The following NTRK2 variants were observed in gnomAD, a reference collection of about 807,000 sequenced individuals.
NTRK2 encodes the protein BDNF/NT-3 growth factors receptor.
In NTRK2, 13 loss-of-function variants were observed where a neutral mutation model predicts 94.5. The observed-to-expected ratio is 0.14, with a 90% CI of 0.09 to 0.22. The LOEUF is 0.22. NTRK2 is among the 10% of genes least tolerant of loss of function. The pLI is 1.00. For synonymous variants in NTRK2, 372 were observed against 407.4 expected (o/e 0.91, Z 1.05); for missense variants, 639 against 1,071.2 (o/e 0.60, Z 5.63).
chr9:84,878,929 T>C (rs906077643), intron 14 of NTRK2, among the ~76,000 whole-genome samples: 1 of 152,184 alleles, frequency 6.6e-6, no homozygotes, highest in Non-Finnish European at 1.5e-5. Context: ...CCTGGCCTAA[T>C]TGTCCTTCCT....
intron 12 of NTRK2, among the ~76,000 whole-genome samples, chr9:84,804,442 C>A (rs1480505242): frequency 1.3e-5 from 2 of 152,140 alleles, no homozygotes; most frequent in African/African-American, 4.8e-5. Context: ...TTCCCAGATC[C>A]ACTTTGGTCA....
Position 84,995,456 on chromosome 9 carries a change from A to G in NTRK2, c.2173-24750A>G, listed in dbSNP as rs936548703. On this transcript the variant is annotated intron_variant, in intron 17 of 18. Transcript: ENST00000277120. Reference sequence around the variant, plus strand: ...GCCCAATGAGACCCTACAAAATCCCAGTTGCCCAAATGAATAACACATATG... The same window carrying G: ...GCCCAATGAGACCCTACAAAATCCCGGTTGCCCAAATGAATAACACATATG... 1.3e-5 allele frequency among the ~76,000 whole-genome samples: 2 copies of G among 152,244 alleles called. 1 individual carries two copies. Among genetic ancestry groups the G allele is most frequent in the South Asian group, 4.1e-4 (2 of 4,824 alleles).
At chr9:84,701,753 A>G (rs2060737089) in intron 2 of NTRK2, among the ~76,000 whole-genome samples, 1 of 152,136 alleles carries the variant, frequency 6.6e-6, no homozygotes, top group Non-Finnish European at 1.5e-5. Context: ...ATGTGGGGAA[A>G]TATGTGACTT....
chr9:84,843,311 C>T (rs1302291024), intron 12 of NTRK2, among the ~76,000 whole-genome samples: 1 of 152,148 alleles, frequency 6.6e-6, no homozygotes, highest in Non-Finnish European at 1.5e-5. Context: ...ACCTGTGTTT[C>T]TGCTCTTCTC....
chr9:84,745,760 C>T (rs766570030), intron 11 of NTRK2, among the ~76,000 whole-genome samples: 87 of 152,058 alleles, frequency 5.7e-4, no homozygotes, highest in Non-Finnish European at 1.1e-3. Context: ...GGAGAAACAT[C>T]GTGAAGGTGC....
intron 14 of NTRK2, among the ~76,000 whole-genome samples, chr9:84,902,203 A>G (rs1480054263): frequency 6.6e-6 from 1 of 151,894 alleles, no homozygotes; most frequent in Non-Finnish European, 1.5e-5. Flanking sequence ...CTAAAAAAAA[A>G]AAAATTAAAA....
At chr9:84,811,962 G>A (rs995287732) in intron 12 of NTRK2, 3 of 1,013,352 alleles carry the variant, frequency 3.0e-6, no homozygotes, top group Non-Finnish European at 3.5e-6. Flanking sequence ...TCAGAGCCAG[G>A]CCTGCAGCAT....
chr9:84,901,972 G>A (rs946879204), intron 14 of NTRK2, among the ~76,000 whole-genome samples: 4 of 152,064 alleles, frequency 2.6e-5, no homozygotes, highest in Non-Finnish European at 4.4e-5. Context: ...TGGGGTGGGC[G>A]GATCACTTGA....
At chr9:84,815,260 GT>G in intron 12 of NTRK2, 1 of 1,054,576 alleles carries the variant, frequency 9.5e-7, no homozygotes, top group African/African-American at 1.7e-5. Context: ...CCCAGAATGT[GT>G]TGAACCAACC....
chr9:84,886,275 G>A (rs1006368159), intron 14 of NTRK2, among the ~76,000 whole-genome samples: 3 of 152,190 alleles, frequency 2.0e-5, no homozygotes, highest in Admixed American at 1.3e-4. Context: ...TCTTCATGAG[G>A]TTGATGTTGT....
intron 14 of NTRK2, among the ~76,000 whole-genome samples, chr9:84,917,416 C>A (rs186509007): frequency 1.3e-5 from 2 of 152,024 alleles, no homozygotes; most frequent in African/African-American, 2.4e-5. Context: ...AGCACTGGGC[C>A]GGGCAGCTTC....
At chr9:84,937,226 C>T (rs76452719) in intron 15 of NTRK2, among the ~76,000 whole-genome samples, 1 of 152,374 alleles carries the variant, frequency 6.6e-6, no homozygotes, top group African/African-American at 2.4e-5. Flanking sequence ...CTTCTCACCT[C>T]TATGGAGTGA....
chr9:84,898,777 A>G (rs891959503), intron 14 of NTRK2, among the ~76,000 whole-genome samples: 2 of 151,266 alleles, frequency 1.3e-5, no homozygotes, highest in African/African-American at 4.9e-5. Context: ...ATCTTGGCTC[A>G]CTGCAATCTC....
chr9:84,855,207 A>T (rs2075007610), intron 12 of NTRK2, among the ~76,000 whole-genome samples: 1 of 152,180 alleles, frequency 6.6e-6, no homozygotes, highest in African/African-American at 2.4e-5. Context: ...ATACTTGAAA[A>T]TGGTTACTCT....
At chr9:84,772,349 G>A (rs1029987291) in intron 12 of NTRK2, among the ~76,000 whole-genome samples, 1 of 152,018 alleles carries the variant, frequency 6.6e-6, no homozygotes, top group African/African-American at 2.4e-5. Context: ...CCGCCTCCTG[G>A]GTTCAAGCAA....
chr9:84,796,638 C>T (rs1465662358), intron 12 of NTRK2, among the ~76,000 whole-genome samples: 1 of 152,130 alleles, frequency 6.6e-6, no homozygotes, highest in Non-Finnish European at 1.5e-5. Flanking sequence ...ATTTATTTAG[C>T]TTTTCTGAAA....
Position 84,752,018 on chromosome 9 carries a change from G to C in NTRK2, c.1329G>C (p.Val443=). The C allele has an allele frequency of 6.2e-7, 1 of 1,614,038 alleles. No homozygotes were observed. Among genetic ancestry groups the C allele is most frequent in the Non-Finnish European group, 8.5e-7 (1 of 1,179,978 alleles). Residue 443 remains valine, a synonymous_variant, in exon 12 of 19, where the codon GTG becomes GTC. Transcript: ENST00000277120. ...CTGTGGTGGTGATTGCGTCTGTGGT[G>C]GGATTTTGCCTTTTGGTAATGCTGT... The part of the protein sequence containing the change: ...VYAVVVIASV[V]GFCLLVMLFL...
chr9:84,712,200 T>A (rs1397004668), intron 6 of NTRK2, among the ~76,000 whole-genome samples: 2 of 152,126 alleles, frequency 1.3e-5, no homozygotes, highest in Non-Finnish European at 2.9e-5. Flanking sequence ...AACAGACGTC[T>A]GCTTTGTCCT....
At chr9:84,730,948 C>A (rs1017318782) in intron 9 of NTRK2, among the ~76,000 whole-genome samples, 2 of 152,104 alleles carry the variant, frequency 1.3e-5, no homozygotes, top group African/African-American at 4.8e-5. Context: ...TAAGAAATTT[C>A]AGCTACTTTC....
Sources: allele counts gnomAD v4.1 joint callset (sites outside exome capture counted in the v4.1 genomes callset), GRCh38; gene constraint gnomAD v4.1.1; transcripts MANE v1.5; gene names NCBI Gene and HGNC (gene_info 2026-07-23, HGNC 2026-07-21).